The following NKAIN3 variants were observed in gnomAD, a reference collection of about 807,000 sequenced individuals.
The protein encoded by NKAIN3 is sodium/potassium transporting ATPase interacting 3.
NKAIN3 carries 25 observed loss-of-function variants against 30.2 expected under a neutral mutation model. The ratio of observed to expected loss-of-function variants is 0.83; its 90% CI spans 0.60 to 1.16. NKAIN3 has a LOEUF of 1.16. Ranked by LOEUF, NKAIN3 falls within the 50% of genes most tolerant of loss-of-function variation. NKAIN3 has a pLI of 0.00. For missense variants in NKAIN3, 225 were observed against 254.1 expected (o/e 0.89, Z 0.78); for synonymous variants, 91 against 89.6 (o/e 1.02, Z -0.09).
intron 1 of NKAIN3, among the ~76,000 whole-genome samples, chr8:62,351,767 A>G (rs1004022467): frequency 6.6e-6 from 1 of 152,214 alleles, no homozygotes; most frequent in Non-Finnish European, 1.5e-5. Context: ...TGTCCATTAA[A>G]TGTTAATTTC....
intron 4 of NKAIN3, among the ~76,000 whole-genome samples, chr8:62,838,462 A>T (rs756006431): frequency 6.6e-6 from 1 of 152,030 alleles, no homozygotes; most frequent in Non-Finnish European, 1.5e-5. Flanking sequence ...AAAATGGAAG[A>T]TGCAAACAAG....
At chr8:62,761,965 A>G (rs1457018353) in intron 4 of NKAIN3, among the ~76,000 whole-genome samples, 1 of 152,194 alleles carries the variant, frequency 6.6e-6, no homozygotes, top group Non-Finnish European at 1.5e-5. Context: ...TTATGATTGT[A>G]AATAATCAAA....
intron 3 of NKAIN3, among the ~76,000 whole-genome samples, chr8:62,732,305 A>T (rs1018462198): frequency 6.6e-6 from 1 of 151,874 alleles, no homozygotes; most frequent in Non-Finnish European, 1.5e-5. Context: ...TGTTACATTG[A>T]TTTATTTTTG....
chr8:62,587,103 GGCCATTGGTTATCCCAATGCTTCCT>G (rs1465444311), intron 2 of NKAIN3, among the ~76,000 whole-genome samples: 5 of 151,816 alleles, frequency 3.3e-5, no homozygotes, highest in African/African-American at 1.2e-4. Flanking sequence ...CAGTCTCTTT[GGCCATTGGTTATCCCAATGCTTCCT>G]GCCTAGCTAA....
intron 1 of NKAIN3, among the ~76,000 whole-genome samples, chr8:62,432,651 A>G (rs957502463): frequency 1.5e-4 from 23 of 152,078 alleles, no homozygotes; most frequent in African/African-American, 5.6e-4. Flanking sequence ...TATGGAAGAG[A>G]TGCATCCCAG....
At chr8:62,410,635 AAAGAT>A (rs1480165446) in intron 1 of NKAIN3, among the ~76,000 whole-genome samples, 3 of 152,232 alleles carry the variant, frequency 2.0e-5, no homozygotes, top group African/African-American at 4.8e-5. Context: ...CAAATAAAAA[AAAGAT>A]AAGATCCAAA....
At chr8:62,368,791 A>G (rs527580055) in intron 1 of NKAIN3, among the ~76,000 whole-genome samples, 5 of 148,044 alleles carry the variant, frequency 3.4e-5, no homozygotes, top group Non-Finnish European at 7.5e-5. Context: ...TTATTTAATT[A>G]TTCTCATTTT....
At chr8:62,280,765 G>T (rs1813150710) in intron 1 of NKAIN3, among the ~76,000 whole-genome samples, 1 of 152,164 alleles carries the variant, frequency 6.6e-6, no homozygotes, top group African/African-American at 2.4e-5. Flanking sequence ...TGTGCTGCTG[G>T]ATTCAGTTTG....
chr8:62,629,099 G>T (rs1176806435), intron 3 of NKAIN3, among the ~76,000 whole-genome samples: 1 of 152,120 alleles, frequency 6.6e-6, no homozygotes, highest in Non-Finnish European at 1.5e-5. Context: ...AGCCCCAGGG[G>T]TTGGCAGTAG....
chr8:62,926,772 C>T (rs193013993), intron 5 of NKAIN3, among the ~76,000 whole-genome samples: 3 of 152,298 alleles, frequency 2.0e-5, no homozygotes, highest in East Asian at 1.9e-4. Flanking sequence ...CTCAAGTTCC[C>T]AGGCTCTCTA....
intron 1 of NKAIN3, among the ~76,000 whole-genome samples, chr8:62,386,131 A>G (rs953364521): frequency 6.6e-6 from 1 of 152,148 alleles, no homozygotes; most frequent in African/African-American, 2.4e-5. Context: ...GTTGCTATAT[A>G]TGGGCCAAAG....
intron 3 of NKAIN3, among the ~76,000 whole-genome samples, chr8:62,676,943 T>G (rs556683150): frequency 3.3e-5 from 5 of 152,068 alleles, no homozygotes; most frequent in Non-Finnish European, 7.4e-5. Flanking sequence ...GGTCTCAAAT[T>G]CCTGGTCTCA....
chr8:62,522,039 C>T (rs942144330), intron 1 of NKAIN3, among the ~76,000 whole-genome samples: 1 of 152,066 alleles, frequency 6.6e-6, no homozygotes, highest in African/African-American at 2.4e-5. Context: ...AGTCCTCTCA[C>T]AAAGGTGAGA....
intron 4 of NKAIN3, among the ~76,000 whole-genome samples, chr8:62,789,511 T>C (rs1340633885): frequency 6.6e-6 from 1 of 152,120 alleles, no homozygotes; most frequent in African/African-American, 2.4e-5. Context: ...TTTTCCTAAT[T>C]GAATGCCCTG....
chr8:62,774,472 T>C (rs936320176), intron 4 of NKAIN3, among the ~76,000 whole-genome samples: 4 of 152,220 alleles, frequency 2.6e-5, no homozygotes, highest in Non-Finnish European at 5.9e-5. Flanking sequence ...GTGAGCATCC[T>C]TGTCATGTTC....
At chr8:62,311,213 T>G (rs1371132106) in intron 1 of NKAIN3, among the ~76,000 whole-genome samples, 2 of 150,642 alleles carry the variant, frequency 1.3e-5, no homozygotes, top group Non-Finnish European at 2.9e-5. Flanking sequence ...GTCTTCAATT[T>G]AATATAGATC....
chr8:62,633,734 T>C (rs554591603), intron 3 of NKAIN3, among the ~76,000 whole-genome samples: 10 of 152,250 alleles, frequency 6.6e-5, no homozygotes, highest in Admixed American at 1.3e-4. Flanking sequence ...AGCCACCTTA[T>C]TGAAGGCCAA....
chr8:62,341,491 T>TGC (rs1815743250), intron 1 of NKAIN3, among the ~76,000 whole-genome samples: 1 of 152,038 alleles, frequency 6.6e-6, no homozygotes, highest in South Asian at 2.1e-4. Flanking sequence ...GAGGTCACAT[T>TGC]GCTACTTGGT....
intron 4 of NKAIN3, among the ~76,000 whole-genome samples, chr8:62,779,912 A>G (rs1817304906): frequency 6.6e-6 from 1 of 152,108 alleles, no homozygotes; most frequent in South Asian, 2.1e-4. Context: ...AAAAAGAACA[A>G]ACAAAACCCC....
Sources: gnomAD v4.1 joint callset for allele counts (sites outside exome capture counted in the v4.1 genomes callset) on GRCh38, gnomAD v4.1.1 for gene constraint, MANE v1.5 for transcripts, NCBI Gene and HGNC (gene_info 2026-07-23, HGNC 2026-07-21) for gene names.